LRP1B: variants seen among roughly 807,000 people sequenced by gnomAD.
The protein encoded by LRP1B is low-density lipoprotein receptor-related protein 1B.
In LRP1B, 217 loss-of-function variants were observed where a neutral mutation model predicts 556.6. The ratio of observed to expected loss-of-function variants is 0.39; its 90% confidence interval spans 0.35 to 0.44. LRP1B has a LOEUF of 0.44. LRP1B is among the 20% of genes least tolerant of loss of function. The pLI is 1.00. For missense variants in LRP1B, 5,053 were observed against 5,620.8 expected (o/e 0.90, Z 3.23); for synonymous variants, 2,047 against 1,865.8 (o/e 1.10, Z -2.50).
At chr2:141,427,214 C>T (rs1158523838) in intron 3 of LRP1B, among the ~76,000 whole-genome samples, 1 of 152,096 alleles carries the variant, frequency 6.6e-6, no homozygotes, top group African/African-American at 2.4e-5. Flanking sequence ...TGATTTTTAA[C>T]TTTGGGAATG....
intron 2 of LRP1B, among the ~76,000 whole-genome samples, chr2:141,798,567 C>T (rs1002862862): frequency 1.8e-4 from 28 of 151,450 alleles, no homozygotes; most frequent in African/African-American, 5.6e-4. Context: ...ATTAGCTGGG[C>T]GTGGTGGTGG....
intron 1 of LRP1B, among the ~76,000 whole-genome samples, chr2:141,880,252 T>C (rs892763233): frequency 6.6e-6 from 1 of 151,982 alleles, no homozygotes; most frequent in Non-Finnish European, 1.5e-5. Context: ...ATTGTTGTAC[T>C]GTTGGCTCCT....
chr2:141,416,522 C>T (rs922009426), intron 3 of LRP1B, among the ~76,000 whole-genome samples: 2 of 143,554 alleles, frequency 1.4e-5, no homozygotes, highest in Non-Finnish European at 1.5e-5. Flanking sequence ...GATGCAATCT[C>T]GGCTCACCAC....
intron 60 of LRP1B, among the ~76,000 whole-genome samples, chr2:140,466,639 AAC>A (rs1239763503): frequency 2.0e-5 from 3 of 152,238 alleles, no homozygotes; most frequent in African/African-American, 7.2e-5. Context: ...AGAGAAAATT[AAC>A]AGTTAAGAGT....
At chr2:140,602,981 C>A (rs568557215) in intron 41 of LRP1B, among the ~76,000 whole-genome samples, 1 of 151,960 alleles carries the variant, frequency 6.6e-6, no homozygotes. Context: ...CCTGGCTCCC[C>A]CATTCACCTG....
At chr2:140,889,777 T>C (rs1573847666) in intron 23 of LRP1B, among the ~76,000 whole-genome samples, 1 of 152,318 alleles carries the variant, frequency 6.6e-6, no homozygotes, top group East Asian at 1.9e-4. Context: ...TGATGGTAGC[T>C]AGTGTTAGCA....
At chr2:141,777,135 A>G (rs948435116) in intron 2 of LRP1B, among the ~76,000 whole-genome samples, 3 of 152,214 alleles carry the variant, frequency 2.0e-5, no homozygotes, top group African/African-American at 7.2e-5. Flanking sequence ...AGAGGCTATA[A>G]GACATGATTG....
chr2:141,974,707 A>G (rs1041007237), intron 1 of LRP1B, among the ~76,000 whole-genome samples: 1 of 152,122 alleles, frequency 6.6e-6, no homozygotes, highest in Non-Finnish European at 1.5e-5. Context: ...GAATAAATCA[A>G]TCTGAATCAA....
chr2:142,081,543 C>A (rs189537791), intron 1 of LRP1B, among the ~76,000 whole-genome samples: 2 of 152,212 alleles, frequency 1.3e-5, no homozygotes, highest in African/African-American at 2.4e-5. Flanking sequence ...AAGGAGAGAA[C>A]AATAAACTCT....
intron 7 of LRP1B, among the ~76,000 whole-genome samples, chr2:141,097,246 C>T (rs1197731435): frequency 6.6e-6 from 1 of 152,160 alleles, no homozygotes; most frequent in African/African-American, 2.4e-5. Context: ...TATGCTCACT[C>T]AGAAGACTAT....
intron 10 of LRP1B, among the ~76,000 whole-genome samples, chr2:141,051,277 C>T (rs1430837044): frequency 6.6e-6 from 1 of 151,948 alleles, no homozygotes; most frequent in African/African-American, 2.4e-5. Flanking sequence ...CCATTACTGG[C>T]TATATACCCA....
chr2:140,870,350 A>T (rs879497267), intron 25 of LRP1B, among the ~76,000 whole-genome samples: 2 of 152,144 alleles, frequency 1.3e-5, no homozygotes, highest in Non-Finnish European at 2.9e-5. Context: ...GTTTGAGCTC[A>T]TTCAATTCCC....
chr2:141,185,286 C>T (rs1681190634), intron 7 of LRP1B, among the ~76,000 whole-genome samples: 1 of 152,070 alleles, frequency 6.6e-6, no homozygotes, highest in Non-Finnish European at 1.5e-5. Context: ...CTCAGTAAGA[C>T]TGACTCCAGC....
intron 67 of LRP1B, among the ~76,000 whole-genome samples, chr2:140,381,736 C>T (rs1683497874): frequency 6.6e-6 from 1 of 151,754 alleles, no homozygotes; most frequent in Non-Finnish European, 1.5e-5. Context: ...GTTGTGCGCA[C>T]CTGTAATCCC....
At chr2:140,579,813 G>C (rs1177203426) in intron 43 of LRP1B, among the ~76,000 whole-genome samples, 2 of 152,184 alleles carry the variant, frequency 1.3e-5, no homozygotes, top group Non-Finnish European at 2.9e-5. Context: ...CTGCACTCCA[G>C]CCTGGGCTAC....
rs1386852005 is a variant in LRP1B, at chr2:141,927,917, A to AAAAAG, written c.83-117517_83-117516insCTTTT. Among the ~76,000 whole-genome samples, 460 of 145,946 alleles carry AAAAAG rather than the reference A, an allele frequency of 3.2e-3. 1 individual carries two copies. Among genetic ancestry groups the AAAAAG allele is most frequent in the Non-Finnish European group, 5.5e-3 (369 of 67,616 alleles). On this transcript the variant is annotated intron_variant, in intron 1 of 90. Coordinates refer to ENST00000389484, the MANE Select transcript of LRP1B (RefSeq NM_018557.3). ...ACTTGGCTTTACAAAAAAAAAAAAA[A>AAAAAG]AAAGAAAGAAAGAAAGAAAAAAAAA...
chr2:140,391,700 A>C (rs896126868), intron 66 of LRP1B, among the ~76,000 whole-genome samples: 1 of 152,136 alleles, frequency 6.6e-6, no homozygotes, highest in East Asian at 1.9e-4. Context: ...ACTTCCTTAG[A>C]GCCTCAGAAT....
chr2:141,919,273 C>T (rs1337266730), intron 1 of LRP1B, among the ~76,000 whole-genome samples: 1 of 151,956 alleles, frequency 6.6e-6, no homozygotes, highest in Non-Finnish European at 1.5e-5. Flanking sequence ...TTTCAAAATT[C>T]AAATGCTATA....
At chr2:141,532,033 C>G (rs1477495346) in intron 2 of LRP1B, among the ~76,000 whole-genome samples, 1 of 152,096 alleles carries the variant, frequency 6.6e-6, no homozygotes, top group Non-Finnish European at 1.5e-5. Flanking sequence ...TATTGACTAA[C>G]AGATGAATCA....
Sources: allele counts gnomAD v4.1 joint callset (sites outside exome capture counted in the v4.1 genomes callset), GRCh38; gene constraint gnomAD v4.1.1; transcripts MANE v1.5; gene names NCBI Gene and HGNC (gene_info 2026-07-23, HGNC 2026-07-21).